The following NDUFAF6 variants were observed in gnomAD, a reference collection of about 807,000 sequenced individuals.
NDUFAF6 encodes NADH dehydrogenase (ubiquinone) complex I, assembly factor 6.
NDUFAF6 carries 45 observed loss-of-function variants against 40.8 expected under a neutral mutation model. The ratio of observed to expected loss-of-function variants is 1.10; its 90% CI spans 0.87 to 1.42. The LOEUF is 1.42. Among genes scored for constraint, NDUFAF6 ranks in the 40% most tolerant of loss-of-function variants. The probability of loss-of-function intolerance (pLI) is 0.00; values close to 1 mark genes in which losing one functional copy is unlikely to be tolerated. For synonymous variants in NDUFAF6, 185 were observed against 155.9 expected (o/e 1.19, Z -1.39); for missense variants, 435 against 418.5 (o/e 1.04, Z -0.34).
At chr8:94,948,052 T>C (rs892391628) in intron 2 of NDUFAF6, among the ~76,000 whole-genome samples, 2 of 152,228 alleles carry the variant, frequency 1.3e-5, no homozygotes, top group Non-Finnish European at 2.9e-5. Context: ...CCCAAAACTA[T>C]TGTGCATTGA....
At chr8:94,962,617 T>TG (rs749580687) in intron 1 of NDUFAF6, among the ~76,000 whole-genome samples, 19,003 of 102,488 alleles carry the variant, frequency 0.19, 1,460 homozygotes, top group Middle Eastern at 0.31. Context: ...TTGTTTTTTG[T>TG]TTTTTTTTTT....
At chr8:95,039,228 G>C (rs1318724766) in intron 3 of NDUFAF6, among the ~76,000 whole-genome samples, 2 of 151,732 alleles carry the variant, frequency 1.3e-5, no homozygotes, top group Non-Finnish European at 2.9e-5. Context: ...GCCGAGGCGG[G>C]TGGATCACGA....
intron 2 of NDUFAF6, among the ~76,000 whole-genome samples, chr8:95,090,779 G>C (rs1809222968): frequency 6.6e-6 from 1 of 152,150 alleles, no homozygotes; most frequent in South Asian, 2.1e-4. Flanking sequence ...AATCTGGTGG[G>C]CACAATCTAA....
rs538747920 is a variant in NDUFAF6, at chr8:94,937,988, T to C, written c.-935-7495T>C. On this transcript the variant is annotated intron_variant, in intron 1 of 14. Coordinates refer to the NDUFAF6 transcript ENST00000396113. ...CTAAAGCTAACGTCCCTTCCAGAGA[T>C]GGAAAAGTTTGGGTATAAATGAAGA... Among the ~76,000 whole-genome samples the C allele has an allele frequency of 1.0e-3, 155 of 152,108 alleles. 2 individuals are homozygous for C. The highest frequency in any genetic ancestry group is 3.6e-3 in the African/African-American group (149 of 41,500).
intron 1 of NDUFAF6, among the ~76,000 whole-genome samples, chr8:94,979,020 T>C (rs1211954820): frequency 1.3e-5 from 2 of 152,188 alleles, no homozygotes; most frequent in East Asian, 3.8e-4. Context: ...GAATAAGCCC[T>C]GAGACATTTT....
intron 9 of NDUFAF6, chr8:95,069,316 AC>A (rs1832775651): frequency 6.6e-6 from 1 of 151,832 alleles, no homozygotes; most frequent in South Asian, 2.1e-4. Flanking sequence ...ACACTTGTAA[AC>A]TTTTGTATGC....
At chr8:94,974,710 G>A (rs1164728234) in intron 1 of NDUFAF6, 6 of 168,100 alleles carry the variant, frequency 3.6e-5, no homozygotes, top group Non-Finnish European at 6.4e-5. Flanking sequence ...TGCCATAGGA[G>A]AGATGCTAAG....
At chr8:95,092,105 G>T (rs1288647496) in intron 2 of NDUFAF6, among the ~76,000 whole-genome samples, 1 of 151,350 alleles carries the variant, frequency 6.6e-6, no homozygotes, top group Non-Finnish European at 1.5e-5. Context: ...CGAGTTTTGA[G>T]TCACACCTGT....
intron 1 of NDUFAF6, among the ~76,000 whole-genome samples, chr8:95,026,397 G>A (rs544132197): frequency 3.6e-4 from 55 of 152,292 alleles, no homozygotes; most frequent in Non-Finnish European, 6.5e-4. Context: ...CAGCCTGGGA[G>A]GTGGAGGTTG....
chr8:94,962,524 C>T (rs1256442099), intron 1 of NDUFAF6, among the ~76,000 whole-genome samples: 1 of 152,036 alleles, frequency 6.6e-6, no homozygotes, highest in Non-Finnish European at 1.5e-5. Flanking sequence ...AACTCCTGGC[C>T]TCAAGTAATT....
At chr8:94,907,378 A>C (rs1429084412) in intron 1 of NDUFAF6, among the ~76,000 whole-genome samples, 1 of 152,216 alleles carries the variant, frequency 6.6e-6, no homozygotes, top group East Asian at 1.9e-4. Flanking sequence ...TAGAGGTTAG[A>C]TGGAGGCTAG....
chr8:95,074,596 A>G (rs1034889462), intron 9 of NDUFAF6, among the ~76,000 whole-genome samples: 2 of 152,156 alleles, frequency 1.3e-5, no homozygotes, highest in African/African-American at 2.4e-5. Flanking sequence ...TGAATAGCAG[A>G]GCATTTCCTC....
chr8:95,039,329 T>G (rs1046942902), intron 3 of NDUFAF6, among the ~76,000 whole-genome samples: 83 of 151,996 alleles, frequency 5.5e-4, no homozygotes, highest in African/African-American at 1.9e-3. Flanking sequence ...GGTGTGCGCC[T>G]GTAGTCCCAG....
intron 2 of NDUFAF6, 65 bp from the exon 3 acceptor site, chr8:95,035,389 C>T: frequency 3.8e-6 from 6 of 1,573,056 alleles, no homozygotes; most frequent in Non-Finnish European, 5.2e-6. Flanking sequence ...AAAATTCCCT[C>T]AAAGATACTG....
rs368640148 is a variant in NDUFAF6 at position 94,940,261 on chromosome 8, A to G, written c.-935-5222A>G. The stretch of plus-strand genomic sequence containing the variant: ...CATTGCAGTCCACATGTGTTGTTGA[A>G]GAGTCCCACAGGAGGATGATTATCA... On this transcript the variant is annotated intron_variant, in intron 1 of 14. Transcript: ENST00000396113. The G allele has an allele frequency of 2.0e-4, 306 of 1,555,196 alleles. No individual in the cohort carries two copies. The African/African-American group carries it at 3.5e-3, about 18-fold the overall frequency.
At chr8:95,050,849 C>G (rs1002158699) in intron 7 of NDUFAF6, among the ~76,000 whole-genome samples, 2 of 152,072 alleles carry the variant, frequency 1.3e-5, no homozygotes, top group Non-Finnish European at 2.9e-5. Flanking sequence ...GAATCCCACA[C>G]GTAACAAGGC....
At chr8:94,924,868 G>A (rs890526611) in intron 1 of NDUFAF6, among the ~76,000 whole-genome samples, 4 of 152,178 alleles carry the variant, frequency 2.6e-5, no homozygotes, top group South Asian at 2.1e-4. Context: ...TCAGCCTCCC[G>A]AGGAGCTGGG....
intron 8 of NDUFAF6, among the ~76,000 whole-genome samples, chr8:95,056,922 A>G (rs925236227): frequency 6.8e-6 from 1 of 148,106 alleles, no homozygotes; most frequent in Non-Finnish European, 1.5e-5. Context: ...AAAAAAAAGT[A>G]GATAATGAAT....
chr8:94,937,365 C>T (rs1474770974), intron 1 of NDUFAF6, among the ~76,000 whole-genome samples: 1 of 150,110 alleles, frequency 6.7e-6, no homozygotes, highest in Non-Finnish European at 1.5e-5. Flanking sequence ...CACTTGAACC[C>T]GGGAGGCAGA....
Sources: allele counts gnomAD v4.1 joint callset (sites outside exome capture counted in the v4.1 genomes callset), GRCh38; gene constraint gnomAD v4.1.1; transcripts MANE v1.5; gene names NCBI Gene and HGNC (gene_info 2026-07-23, HGNC 2026-07-21).